CACNB2: variants seen among roughly 807,000 people sequenced by gnomAD.
The protein encoded by CACNB2 is calcium voltage-gated channel auxiliary subunit beta 2, also known as voltage-dependent L-type calcium channel subunit beta-2.
A neutral mutation model predicts 73.3 loss-of-function variants in CACNB2; 42 were observed. That is an observed-to-expected ratio of 0.57 (90% CI 0.45 to 0.74). The LOEUF (loss-of-function observed/expected upper bound fraction) is 0.74. Among genes scored for constraint, CACNB2 ranks in the 30% least tolerant of loss-of-function variants. The pLI is 0.00. For synonymous variants in CACNB2, 348 were observed against 310.3 expected (o/e 1.12, Z -1.28); for missense variants, 940 against 853.0 (o/e 1.10, Z -1.27).
chr10:18,394,338 A>G (rs7069531), intron 2 of CACNB2, among the ~76,000 whole-genome samples: 58,650 of 152,048 alleles, frequency 0.39, 11,757 homozygotes, highest in Middle Eastern at 0.44. Flanking sequence ...TAAGCATTAC[A>G]AAACTATCAC....
chr10:18,540,677 C>T lies in CACNB2; in HGVS notation c.*953C>T, dbSNP rs2054024312. ...CTTAGTAGCTAGTGTCTGTTCTAGT[C>T]ACTGCACTGGAGTCTACGAGCCGGA... is the stretch of plus-strand genomic sequence containing the variant. On this transcript the variant is annotated 3_prime_UTR_variant, in exon 14 of 14. Coordinates refer to ENST00000324631, the MANE Select transcript of CACNB2 (RefSeq NM_201596.3). 6.6e-6 allele frequency: 1 copy of T among 152,536 alleles called. No homozygotes were observed. The highest frequency in any genetic ancestry group is 6.6e-5 in the Admixed American group (1 of 15,262). 9.4% of individuals were successfully genotyped at this position (152,536 alleles called of 1,614,324 possible). A position where few individuals can be genotyped will look rare whatever the true frequency, so the allele number is the denominator to read the frequency against.
chr10:18,509,275 C>T (rs2050643312), intron 6 of CACNB2, among the ~76,000 whole-genome samples: 1 of 152,196 alleles, frequency 6.6e-6, no homozygotes, highest in African/African-American at 2.4e-5. Context: ...CCAAAGGTCT[C>T]ATCTATTATT....
chr10:18,187,660 A>G (rs930410667), intron 2 of CACNB2, among the ~76,000 whole-genome samples: 2 of 152,112 alleles, frequency 1.3e-5, no homozygotes, highest in Non-Finnish European at 2.9e-5. Context: ...TCCTGAGAGG[A>G]AAAACAGTCT....
intron 2 of CACNB2, among the ~76,000 whole-genome samples, chr10:18,277,534 A>T (rs1380796639): frequency 6.6e-6 from 1 of 152,262 alleles, no homozygotes; most frequent in East Asian, 1.9e-4. Context: ...AGTGAGCGCT[A>T]AATGTTAGCA....
chr10:18,433,621 T>C (rs550979241), intron 3 of CACNB2, among the ~76,000 whole-genome samples: 26 of 152,064 alleles, frequency 1.7e-4, no homozygotes, highest in African/African-American at 6.0e-4. Context: ...AAATACTAGA[T>C]GTAATGAAAT....
At chr10:18,428,556 G>A (rs779422446) in intron 3 of CACNB2, among the ~76,000 whole-genome samples, 1 of 151,946 alleles carries the variant, frequency 6.6e-6, no homozygotes, top group Non-Finnish European at 1.5e-5. Flanking sequence ...CGTGGTGGCG[G>A]ACACCTGTAA....
intron 3 of CACNB2, among the ~76,000 whole-genome samples, chr10:18,438,730 A>T (rs534243329): frequency 2.6e-5 from 4 of 152,356 alleles, no homozygotes; most frequent in East Asian, 1.9e-4. Flanking sequence ...TAAAACATCA[A>T]TTCCTTGATC....
At chr10:18,424,471 C>T (rs926187624) in intron 3 of CACNB2, among the ~76,000 whole-genome samples, 2 of 152,242 alleles carry the variant, frequency 1.3e-5, no homozygotes, top group African/African-American at 4.8e-5. Flanking sequence ...GGTAAATTGA[C>T]ATGGCACACT....
chr10:18,402,391 G>GGA (rs368164777), intron 3 of CACNB2, among the ~76,000 whole-genome samples: 18 of 143,848 alleles, frequency 1.3e-4, no homozygotes, highest in African/African-American at 4.6e-4. Flanking sequence ...TCTCTGTTAA[G>GGA]AAAAAAAAAA....
chr10:18,521,354 G>A (rs1305622775), intron 9 of CACNB2, among the ~76,000 whole-genome samples: 1 of 152,184 alleles, frequency 6.6e-6, no homozygotes, highest in African/African-American at 2.4e-5. Flanking sequence ...TTCAGCAGAT[G>A]GTATATAGTG....
At chr10:18,529,652 A>G (rs2052800619) in intron 10 of CACNB2, among the ~76,000 whole-genome samples, 1 of 152,220 alleles carries the variant, frequency 6.6e-6, no homozygotes, top group Non-Finnish European at 1.5e-5. Context: ...GCTTCATTTA[A>G]GCTAAAATAT....
chr10:18,420,911 T>C (rs2045284306), intron 3 of CACNB2, among the ~76,000 whole-genome samples: 1 of 152,216 alleles, frequency 6.6e-6, no homozygotes, highest in Non-Finnish European at 1.5e-5. Flanking sequence ...TGTTTATGCC[T>C]GAAAATAATA....
chr10:18,526,856 C>T (rs1764784534), intron 9 of CACNB2, among the ~76,000 whole-genome samples: 1 of 152,156 alleles, frequency 6.6e-6, no homozygotes, highest in African/African-American at 2.4e-5. Context: ...AACTATGGCA[C>T]AGAGACTAGG....
chr10:18,403,994 G>A (rs183086932), intron 3 of CACNB2, among the ~76,000 whole-genome samples: 76 of 152,012 alleles, frequency 5.0e-4, no homozygotes, highest in Non-Finnish European at 9.7e-4. Flanking sequence ...TGGACTGTTC[G>A]TAGCTCACAG....
At chr10:18,262,736 T>C (rs1021205537) in intron 2 of CACNB2, among the ~76,000 whole-genome samples, 6 of 152,226 alleles carry the variant, frequency 3.9e-5, no homozygotes, top group African/African-American at 1.4e-4. Flanking sequence ...TGTGTTTCTG[T>C]TTATTCTTGT....
intron 2 of CACNB2, among the ~76,000 whole-genome samples, chr10:18,314,466 A>AG (rs2040080112): frequency 6.6e-6 from 1 of 151,844 alleles, no homozygotes; most frequent in Non-Finnish European, 1.5e-5. Flanking sequence ...AGTAAATATC[A>AG]GGGTTTTTTT....
chr10:18,353,061 A>G (rs1259857800), intron 2 of CACNB2, among the ~76,000 whole-genome samples: 1 of 152,246 alleles, frequency 6.6e-6, no homozygotes, highest in East Asian at 1.9e-4. Context: ...TTGCTATACA[A>G]TAATGTGGCC....
At chr10:18,444,682 G>A (rs182812126) in intron 3 of CACNB2, among the ~76,000 whole-genome samples, 1 of 152,308 alleles carries the variant, frequency 6.6e-6, no homozygotes, top group Non-Finnish European at 1.5e-5. Flanking sequence ...GCTCTGCTAT[G>A]CTACTCTAGA....
chr10:18,261,985 C>G, intron 2 of CACNB2: 1 of 518,900 alleles, frequency 1.9e-6, no homozygotes, highest in South Asian at 1.4e-5. Flanking sequence ...TTACACTAGC[C>G]GACCAGCTCC....
Sources: gnomAD v4.1 joint callset for allele counts (sites outside exome capture counted in the v4.1 genomes callset) on GRCh38, gnomAD v4.1.1 for gene constraint, MANE v1.5 for transcripts, NCBI Gene and HGNC (gene_info 2026-07-23, HGNC 2026-07-21) for gene names.